The following TMEM132D variants were observed in gnomAD, a reference collection of about 807,000 sequenced individuals.
TMEM132D encodes mature OL transmembrane protein.
TMEM132D carries 21 observed loss-of-function variants against 62.3 expected under a neutral mutation model. The ratio of observed to expected loss-of-function variants is 0.34; its 90% confidence interval spans 0.24 to 0.49. The LOEUF is 0.49. Among genes scored for constraint, TMEM132D ranks in the 20% least tolerant of loss-of-function variants. The pLI, the probability that TMEM132D is intolerant of heterozygous loss-of-function variation, is 0.99. For missense variants in TMEM132D, 1,346 were observed against 1,402.8 expected (o/e 0.96, Z 0.65); for synonymous variants, 621 against 575.6 (o/e 1.08, Z -1.13).
chr12:129,456,907 C>A (rs1478106306), intron 3 of TMEM132D, among the ~76,000 whole-genome samples: 1 of 152,130 alleles, frequency 6.6e-6, no homozygotes, highest in Admixed American at 6.6e-5. Context: ...TAAAGAACTA[C>A]CTGAGACTGG....
intron 5 of TMEM132D, among the ~76,000 whole-genome samples, chr12:129,098,096 A>C (rs1386211): frequency 2.6e-5 from 4 of 152,062 alleles, no homozygotes; most frequent in Non-Finnish European, 5.9e-5. Context: ...TTGTGAGGAC[A>C]CAACCCAGAA....
At chr12:129,493,518 A>G (rs1269068833) in intron 3 of TMEM132D, among the ~76,000 whole-genome samples, 1 of 152,236 alleles carries the variant, frequency 6.6e-6, no homozygotes, top group African/African-American at 2.4e-5. Flanking sequence ...GTATTCTTGT[A>G]GGTCTGTACA....
At chr12:129,217,566 C>A (rs1242753834) in intron 4 of TMEM132D, among the ~76,000 whole-genome samples, 2 of 152,180 alleles carry the variant, frequency 1.3e-5, no homozygotes, top group Non-Finnish European at 2.9e-5. Context: ...GGAGGCTTAT[C>A]CAACCAGAAC....
intron 3 of TMEM132D, among the ~76,000 whole-genome samples, chr12:129,352,037 T>C (rs1869883026): frequency 6.6e-6 from 1 of 152,136 alleles, no homozygotes; most frequent in South Asian, 2.1e-4. Context: ...GAGGGAGATA[T>C]GTCAGAGGCG....
At chr12:129,093,799 A>G (rs1277102641) in intron 5 of TMEM132D, among the ~76,000 whole-genome samples, 1 of 152,200 alleles carries the variant, frequency 6.6e-6, no homozygotes. Context: ...ACAAGGCTAC[A>G]GTAACCAAAA....
chr12:129,342,556 G>A (rs11060264), intron 3 of TMEM132D, among the ~76,000 whole-genome samples: 8 of 152,192 alleles, frequency 5.3e-5, no homozygotes, highest in Non-Finnish European at 7.4e-5. Flanking sequence ...AATGGCAACA[G>A]AAGCCAAAAT....
At chr12:129,185,931 T>C (rs1878211583) in intron 5 of TMEM132D, among the ~76,000 whole-genome samples, 1 of 152,206 alleles carries the variant, frequency 6.6e-6, no homozygotes, top group South Asian at 2.1e-4. Context: ...TTAATAAAGT[T>C]CTTTTGCTCT....
rs1311705563 is a variant in TMEM132D, at chr12:129,319,463, G to C, written c.1299+18171C>G. Reference sequence around the variant, plus strand: ...ACCCACAGTATTCGGGGTGTCTCCTGATCCTGCAGGAGCAGTCCGCTTCCT... The same window carrying C: ...ACCCACAGTATTCGGGGTGTCTCCTCATCCTGCAGGAGCAGTCCGCTTCCT... On this transcript the variant is annotated intron_variant, in intron 4 of 8. Transcript: ENST00000422113. Among the ~76,000 whole-genome samples, 3 of 152,296 alleles carry C rather than the reference G, an allele frequency of 2.0e-5. No individual in the cohort carries two copies. In the South Asian group the frequency reaches 6.2e-4, roughly 32 times the overall value.
chr12:129,436,627 G>A (rs964971096), intron 3 of TMEM132D, among the ~76,000 whole-genome samples: 53 of 152,158 alleles, frequency 3.5e-4, no homozygotes, highest in African/African-American at 1.2e-3. Context: ...ATACTCTTTT[G>A]CAGATGAAGG....
At chr12:129,352,451 T>TTTTTTC (rs71079298) in intron 3 of TMEM132D, among the ~76,000 whole-genome samples, 4 of 148,082 alleles carry the variant, frequency 2.7e-5, no homozygotes, top group Admixed American at 6.7e-5. Flanking sequence ...TTTTTTTTTT[T>TTTTTTC]CTAGCATCAG....
At chr12:129,535,236 A>G (rs1876347708) in intron 2 of TMEM132D, among the ~76,000 whole-genome samples, 1 of 152,240 alleles carries the variant, frequency 6.6e-6, no homozygotes, top group Non-Finnish European at 1.5e-5. Flanking sequence ...CCTCTTAAGC[A>G]GGTGAGGTGG....
intron 5 of TMEM132D, among the ~76,000 whole-genome samples, chr12:129,095,678 G>A (rs1242996617): frequency 6.6e-6 from 1 of 152,008 alleles, no homozygotes; most frequent in Non-Finnish European, 1.5e-5. Context: ...AGAAGAGATC[G>A]GGGCATCAGG....
intron 2 of TMEM132D, among the ~76,000 whole-genome samples, chr12:129,634,091 C>G (rs73439594): frequency 6.6e-6 from 1 of 152,190 alleles, no homozygotes; most frequent in Admixed American, 6.5e-5. Flanking sequence ...ATCCCATCCT[C>G]CCTGGCGTTG....
chr12:129,611,972 G>A (rs546076180), intron 2 of TMEM132D, among the ~76,000 whole-genome samples: 4 of 152,240 alleles, frequency 2.6e-5, no homozygotes, highest in South Asian at 2.1e-4. Flanking sequence ...AGCTCACAAC[G>A]CAGACACTGG....
intron 3 of TMEM132D, among the ~76,000 whole-genome samples, chr12:129,485,503 ATG>A (rs1343307601): frequency 1.3e-5 from 2 of 152,174 alleles, no homozygotes; most frequent in Admixed American, 6.5e-5. Context: ...AGACCCTAAA[ATG>A]TGTTGTCCAA....
At chr12:129,250,077 G>A (rs11060214) in intron 4 of TMEM132D, among the ~76,000 whole-genome samples, 52,898 of 151,954 alleles carry the variant, frequency 0.35, 10,351 homozygotes, top group Non-Finnish European at 0.45. Flanking sequence ...TAGGCTGGGT[G>A]CCAGATGCCC....
At chr12:129,847,765 C>T (rs1873408743) in intron 1 of TMEM132D, among the ~76,000 whole-genome samples, 1 of 152,070 alleles carries the variant, frequency 6.6e-6, no homozygotes, top group African/African-American at 2.4e-5. Context: ...GCTTCCACTT[C>T]CTGTCTTTTG....
chr12:129,620,524 G>A (rs1890063811), intron 2 of TMEM132D, among the ~76,000 whole-genome samples: 4 of 152,134 alleles, frequency 2.6e-5, no homozygotes, highest in Admixed American at 1.3e-4. Flanking sequence ...ACTTGAACCC[G>A]GGAGGCGGAG....
chr12:129,340,222 C>T (rs1267454884), intron 3 of TMEM132D, among the ~76,000 whole-genome samples: 1 of 152,092 alleles, frequency 6.6e-6, no homozygotes, highest in Admixed American at 6.6e-5. Flanking sequence ...CTTTCCCAGC[C>T]AAGATGTAAA....
Sources: allele counts gnomAD v4.1 joint callset (sites outside exome capture counted in the v4.1 genomes callset), GRCh38; gene constraint gnomAD v4.1.1; transcripts MANE v1.5; gene names NCBI Gene and HGNC (gene_info 2026-07-23, HGNC 2026-07-21).